Variants in CCDC18 observed in about 807,000 individuals in gnomAD.
CCDC18 encodes coiled-coil domain containing 18.
Under a neutral mutation model 196.0 loss-of-function variants are expected in CCDC18, and 157 were observed. That is an observed-to-expected ratio of 0.80 (90% CI 0.70 to 0.91). The LOEUF is 0.91. CCDC18 is among the 40% of genes least tolerant of loss of function. The pLI is 0.00. For missense variants in CCDC18, 1,465 were observed against 1,611.6 expected, an observed-to-expected ratio of 0.91 and a Z score of 1.56; for synonymous variants, 482 against 529.2, an observed-to-expected ratio of 0.91 and a Z score of 1.22.
At chr1:93,181,286 G>T (rs1217316334) in intron 1 of CCDC18, among the ~76,000 whole-genome samples, 2 of 125,674 alleles carry the variant, frequency 1.6e-5, no homozygotes, top group Non-Finnish European at 3.1e-5. Flanking sequence ...ATAAAGTTAT[G>T]ACTTCTTTCC....
chr1:93,197,811 G>A (rs1571377480), intron 6 of CCDC18, among the ~76,000 whole-genome samples: 1 of 145,948 alleles, frequency 6.9e-6, no homozygotes, highest in East Asian at 2.0e-4. Context: ...GAGTGCAGTG[G>A]CGCGATCTCG....
Position 93,239,372 on chromosome 1 carries a change from T to C in CCDC18, c.2666T>C (p.Met889Thr), listed in dbSNP as rs773155604. ...EELSKMEKEI[M>T]HLKRDGENKA... ...CTGTCTAAAATGGAAAAGGAAATAATGCACCTAAAACGAGATGGAGAAAAT... is the reference window on the plus strand; with the variant it reads ...CTGTCTAAAATGGAAAAGGAAATAACGCACCTAAAACGAGATGGAGAAAAT... Residue 889 changes from methionine to threonine, a missense_variant, in exon 20 of 29, where the codon ATG becomes ACG. By Grantham distance (81) the Met-to-Thr change is moderately conservative. Coordinates refer to ENST00000690025, the MANE Select transcript of CCDC18 (RefSeq NM_001378204.1). The C allele has an allele frequency of 1.9e-6, 3 of 1,613,380 alleles. No homozygotes were observed. Among genetic ancestry groups the C allele is most frequent in the African/African-American group, 2.7e-5 (2 of 75,014 alleles).
chr1:93,209,974 T>C (rs974154061), intron 9 of CCDC18, among the ~76,000 whole-genome samples: 1 of 152,086 alleles, frequency 6.6e-6, no homozygotes, highest in African/African-American at 2.4e-5. Flanking sequence ...GGTAGGAGGA[T>C]TGCTTGAGTC....
chr1:93,263,939 TG>T (rs1664153331), intron 26 of CCDC18, among the ~76,000 whole-genome samples: 1 of 152,170 alleles, frequency 6.6e-6, no homozygotes, highest in Non-Finnish European at 1.5e-5. Context: ...GGGCTGTCGC[TG>T]GATCTACCAT....
chr1:93,234,201 C>T (rs1220712112), intron 18 of CCDC18, among the ~76,000 whole-genome samples: 1 of 151,206 alleles, frequency 6.6e-6, no homozygotes, highest in Non-Finnish European at 1.5e-5. Flanking sequence ...CTCACTGTGT[C>T]GCCAGGCTGG....
chr1:93,180,270 G>A, upstream of CCDC18: 1 of 1,589,914 alleles, frequency 6.3e-7, no homozygotes, highest in Non-Finnish European at 8.5e-7. Flanking sequence ...CGGGCTGAAA[G>A]AGGCGTCAGG....
intron 11 of CCDC18, among the ~76,000 whole-genome samples, 186 bp from the exon 12 acceptor site, chr1:93,214,557 C>T (rs1213934819): frequency 2.0e-5 from 3 of 152,094 alleles, no homozygotes; most frequent in South Asian, 2.1e-4. Context: ...CTCTTTGTTA[C>T]GTATTTAATT....
chr1:93,230,044 G>T (rs1447296132), intron 17 of CCDC18, among the ~76,000 whole-genome samples: 1 of 151,122 alleles, frequency 6.6e-6, no homozygotes, highest in African/African-American at 2.4e-5. Flanking sequence ...TCTGCTTTGG[G>T]TACATAGTGA....
intron 26 of CCDC18, among the ~76,000 whole-genome samples, chr1:93,260,276 C>T (rs898445802): frequency 1.3e-5 from 2 of 152,146 alleles, no homozygotes; most frequent in African/African-American, 4.8e-5. Flanking sequence ...CCCAGCTACT[C>T]AGGAGGCTAA....
chr1:93,205,041 A>G (rs1371877909), intron 7 of CCDC18, among the ~76,000 whole-genome samples: 4 of 152,124 alleles, frequency 2.6e-5, no homozygotes, highest in Non-Finnish European at 4.4e-5. Context: ...GCAAAGCCCT[A>G]TAGTTAGGTG....
At chr1:93,201,155 G>A (rs887076599) in intron 6 of CCDC18, among the ~76,000 whole-genome samples, 3 of 152,178 alleles carry the variant, frequency 2.0e-5, no homozygotes, top group African/African-American at 7.2e-5. Context: ...GAAGGGTTAA[G>A]AGTTAAGATC....
At position 93,223,906 on chromosome 1, in the gene CCDC18, C is replaced by T. The variant is rs898967958; in HGVS notation, c.2175+1970C>T. On this transcript the variant is annotated intron_variant, in intron 16 of 28. Coordinates refer to ENST00000690025, the MANE Select transcript of CCDC18 (RefSeq NM_001378204.1). ...TTTTGATTTCATTTATTTATACACA[C>T]ACACACACACACACACACACACACA... 1.0e-2 allele frequency among the ~76,000 whole-genome samples: 805 copies of T among 80,820 alleles called. 11 individuals are homozygous for T. Among genetic ancestry groups the T allele is most frequent in the African/African-American group, 0.058 (772 of 13,334 alleles). The allele number at this position is 80,820 out of a possible 152,430, so 53.0% of individuals were successfully genotyped here. A position where few individuals can be genotyped will look rare whatever the true frequency, so the allele number is the denominator to read the frequency against.
intron 19 of CCDC18, among the ~76,000 whole-genome samples, chr1:93,236,848 A>G (rs1167623148): frequency 1.3e-5 from 2 of 152,184 alleles, no homozygotes; most frequent in Admixed American, 6.5e-5. Context: ...AGAGCTTGTA[A>G]AAAAACATAC....
chr1:93,185,014 A>G (rs1232680473), intron 3 of CCDC18, among the ~76,000 whole-genome samples: 1 of 151,956 alleles, frequency 6.6e-6, no homozygotes, highest in Non-Finnish European at 1.5e-5. Context: ...AGGCTAATCT[A>G]GTGTGTAAAG....
At chr1:93,232,229 T>C (rs569028802) in intron 17 of CCDC18, among the ~76,000 whole-genome samples, 197 bp from the exon 18 acceptor site, 47 of 152,284 alleles carry the variant, frequency 3.1e-4, no homozygotes, top group Admixed American at 1.5e-3. Flanking sequence ...AGAGCAATCC[T>C]ATAAGCAAGC....
At position 93,255,010 on chromosome 1, in the gene CCDC18, T is replaced by C. The variant is rs541273508; in HGVS notation, c.3342+396T>C. Among the ~76,000 whole-genome samples the C allele has an allele frequency of 4.9e-5, 6 of 122,426 alleles. No individual in the cohort carries two copies. The East Asian group carries it at 1.7e-3, about 35-fold the overall frequency. 80.3% of individuals were successfully genotyped at this position (122,426 alleles called of 152,430 possible). A position where few individuals can be genotyped will look rare whatever the true frequency, so the allele number is the denominator to read the frequency against. On this transcript the variant is annotated intron_variant, in intron 24 of 28. Coordinates refer to ENST00000690025, the MANE Select transcript of CCDC18 (RefSeq NM_001378204.1). The stretch of plus-strand genomic sequence containing the variant: ...CTCTGTTGCCCAGGCTGGAGTGCAG[T>C]GGCTCAATCTTGGCTCACTGCAACC...
intron 4 of CCDC18, among the ~76,000 whole-genome samples, chr1:93,188,871 A>G (rs1651205645): frequency 6.6e-6 from 1 of 152,116 alleles, no homozygotes; most frequent in South Asian, 2.1e-4. Flanking sequence ...AGGCGTATAT[A>G]TTTCTGGAGT....
In CCDC18 at chr1:93,217,868, G is replaced by C; in HGVS notation, c.1961G>C (p.Arg654Thr). 1.2e-6 allele frequency: 2 copies of C among 1,607,198 alleles called. No individual in the cohort carries two copies. The highest frequency in any genetic ancestry group is 2.2e-5 in the South Asian group (2 of 90,740). Residue 654 changes from arginine to threonine, a missense_variant and splice_region_variant, in exon 14 of 29, where the codon AGA becomes ACA. Transcript: ENST00000690025. ...QHKEMEKQIE[R>T]LEAQLEKKDQ... ...AAAGAAATGGAAAAGCAGATTGAAA[G>C]AGTAAGTAATACATATTTAGAATAT...
At chr1:93,247,998 T>C (rs1226202980) in intron 23 of CCDC18, among the ~76,000 whole-genome samples, 2 of 150,734 alleles carry the variant, frequency 1.3e-5, no homozygotes, top group African/African-American at 2.4e-5. Context: ...CTTTACTGTG[T>C]TATTTTCCTT....
Sources: gnomAD v4.1 joint callset for allele counts (sites outside exome capture counted in the v4.1 genomes callset) on GRCh38, gnomAD v4.1.1 for gene constraint, MANE v1.5 for transcripts, NCBI Gene and HGNC (gene_info 2026-07-23, HGNC 2026-07-21) for gene names.